The following EHF variants were observed in gnomAD, a reference collection of about 807,000 sequenced individuals.
EHF encodes ESE3 transcription factor.
In EHF, 14 loss-of-function variants were observed where a neutral mutation model predicts 45.1. The observed-to-expected ratio is 0.31, with a 90% confidence interval of 0.21 to 0.49. EHF has a LOEUF of 0.49. EHF is among the 20% of genes least tolerant of loss of function. The probability of loss-of-function intolerance (pLI) is 0.99; values close to 1 mark genes in which losing one functional copy is unlikely to be tolerated. For synonymous variants in EHF, 136 were observed against 131.8 expected (o/e 1.03, Z -0.22); for missense variants, 282 against 371.4 (o/e 0.76, Z 1.98).
intron 1 of EHF, chr11:34,631,629 GTAGGTGTGGC>G (rs1160080176): frequency 1.0e-6 from 1 of 954,062 alleles, no homozygotes; most frequent in Admixed American, 6.2e-5. Context: ...CGATTTTGAG[GTAGGTGTGGC>G]TAGCCTCATT....
At chr11:34,621,982 T>G (rs1852015687) in intron 1 of EHF, 1 of 153,342 alleles carries the variant, frequency 6.5e-6, no homozygotes, top group African/African-American at 2.4e-5. Context: ...GGCTTCACTG[T>G]GTAACAAGGG....
At chr11:34,630,769 A>G (rs527243277) in intron 1 of EHF, among the ~76,000 whole-genome samples, 1 of 152,238 alleles carries the variant, frequency 6.6e-6, no homozygotes, top group South Asian at 2.1e-4. Context: ...TACGCTGCTC[A>G]TAACAAGAAT....
chr11:34,658,618 C>A lies in EHF; in HGVS notation c.693C>A (p.Asp231Glu). Residue 231 changes from aspartate to glutamate, a missense_variant, in exon 8 of 9, where the codon GAC becomes GAA. Around this residue, in one of 3 missense-constraint regions of EHF, gnomAD observed 41 missense variants for 87.0 expected, o/e 0.47. Transcript: ENST00000257831. ...ACCCAGGATTAATAAAATGGGAAGA[C>A]CGATCTGAGGGCGTCTTCAGGTTCT... ...DKNPGLIKWEDRSEGVFRFLK... is the reference protein window; with the variant it reads ...DKNPGLIKWEERSEGVFRFLK... 6.2e-7 allele frequency: 1 copy of A among 1,613,714 alleles called. No homozygotes were observed. Among genetic ancestry groups the A allele is most frequent in the Non-Finnish European group, 8.5e-7 (1 of 1,179,750 alleles).
chr11:34,651,297 C>G (rs1333706455), intron 4 of EHF, among the ~76,000 whole-genome samples: 1 of 152,148 alleles, frequency 6.6e-6, no homozygotes, highest in African/African-American at 2.4e-5. Context: ...TGCAACTTCT[C>G]TCACTTCCCT....
intron 3 of EHF, chr11:34,646,886 T>A: frequency 1.6e-6 from 1 of 613,826 alleles, no homozygotes; most frequent in Non-Finnish European, 2.8e-6. Flanking sequence ...TAATCCCTTA[T>A]AAATGCCAGT....
intron 3 of EHF, among the ~76,000 whole-genome samples, chr11:34,648,713 CTCA>C (rs1854830682): frequency 1.3e-5 from 2 of 152,150 alleles, no homozygotes; most frequent in Non-Finnish European, 2.9e-5. Context: ...ACACACCTTC[CTCA>C]TAGCTAGTAG....
At chr11:34,648,888 A>G in intron 3 of EHF, 131 bp from the exon 4 acceptor site, 1 of 827,912 alleles carries the variant, frequency 1.2e-6, no homozygotes, top group South Asian at 2.0e-5. Flanking sequence ...ACCACCTCCC[A>G]TAAACAAACA....
At position 34,633,048 on chromosome 11, in the gene EHF, T is replaced by A. The variant is rs546745138; in HGVS notation, c.-3-9580T>A. 8.2e-4 allele frequency among the ~76,000 whole-genome samples: 124 copies of A among 151,876 alleles called. 1 individual carries two copies. Among genetic ancestry groups the A allele is most frequent in the African/African-American group, 2.8e-3 (115 of 41,410 alleles). ...ATCTTTTGAAGGACTGAGATGGAGG[T>A]GGGATGGGGTTAGGGTGGCTTGGCC... On this transcript the variant is annotated intron_variant, in intron 1 of 8. Transcript: ENST00000257831.
chr11:34,635,050 A>G (rs7945208), intron 1 of EHF, among the ~76,000 whole-genome samples: 65,509 of 152,034 alleles, frequency 0.43, 16,437 homozygotes, highest in Non-Finnish European at 0.57. Flanking sequence ...TGCCTCCTAG[A>G]GTTGTTGTGA....
intron 1 of EHF, among the ~76,000 whole-genome samples, chr11:34,625,098 C>A (rs1350611124): frequency 6.6e-6 from 1 of 152,128 alleles, no homozygotes; most frequent in African/African-American, 2.4e-5. Flanking sequence ...TGGGAGAAGC[C>A]TTCTAAGGAT....
intron 1 of EHF, among the ~76,000 whole-genome samples, chr11:34,634,179 C>G (rs1000919016): frequency 1.4e-5 from 2 of 147,410 alleles, no homozygotes; most frequent in South Asian, 4.3e-4. Flanking sequence ...TTGCCTTTCA[C>G]ATGTACATGG....
chr11:34,661,707 AG>A lies in EHF; in HGVS notation c.*2779del, dbSNP rs1001286072. ...GAGTACTTCCCACCACAGTGTTGAA[AG>A]GGAGAGCAAAGTCTTATGGATAAAC... On this transcript the variant is annotated 3_prime_UTR_variant, in exon 9 of 9. Coordinates refer to ENST00000257831, the MANE Select transcript of EHF (RefSeq NM_012153.6). 2.8e-4 allele frequency among the ~76,000 whole-genome samples: 43 copies of A among 152,264 alleles called. No homozygotes were observed. The highest frequency in any genetic ancestry group is 1.0e-3 in the African/African-American group (43 of 41,568).
rs1856005439 is a variant in EHF, at chr11:34,660,327, G to A, written c.*1396G>A. Reference sequence around the variant, plus strand: ...AGAATTTCCAGGGAAAATCCTCTTTGCAGGTATTAATTCTTATAATTTTTT... The same window carrying A: ...AGAATTTCCAGGGAAAATCCTCTTTACAGGTATTAATTCTTATAATTTTTT... On this transcript the variant is annotated 3_prime_UTR_variant, in exon 9 of 9. Transcript: ENST00000257831. 1 of 152,110 alleles carries A rather than the reference G, an allele frequency of 6.6e-6. No individual in the cohort carries two copies. The highest frequency in any genetic ancestry group is 2.4e-5 in the African/African-American group (1 of 41,424). 9.4% of individuals were successfully genotyped at this position (152,110 alleles called of 1,614,324 possible). A position where few individuals can be genotyped will look rare whatever the true frequency, so the allele number is the denominator to read the frequency against.
intron 6 of EHF, among the ~76,000 whole-genome samples, chr11:34,654,751 A>G (rs1384104783): frequency 1.3e-5 from 2 of 152,156 alleles, no homozygotes; most frequent in South Asian, 2.1e-4. Flanking sequence ...AGAGGGTCCA[A>G]GGTTTTCGTC....
intron 3 of EHF, 198 bp downstream of exon 3, chr11:34,646,882 C>A: frequency 1.6e-6 from 1 of 623,684 alleles, no homozygotes; most frequent in Non-Finnish European, 2.7e-6. Flanking sequence ...TGCCTAATCC[C>A]TTATAAATGC....
intron 1 of EHF, chr11:34,624,458 A>G (rs1211149039): frequency 3.9e-6 from 1 of 257,498 alleles, no homozygotes; most frequent in East Asian, 1.8e-4. Context: ...CATTTTTCAT[A>G]TCTAATTTTT....
At chr11:34,623,574 G>A (rs1182469813) in intron 1 of EHF, among the ~76,000 whole-genome samples, 2 of 152,088 alleles carry the variant, frequency 1.3e-5, no homozygotes, top group Admixed American at 6.5e-5. Context: ...CTCCTTGAAG[G>A]TATGAGACAA....
Position 34,658,986 on chromosome 11 carries a change from A to T in EHF, c.*55A>T. The T allele has an allele frequency of 7.3e-7, 1 of 1,363,978 alleles. No individual in the cohort carries two copies. Among genetic ancestry groups the T allele is most frequent in the Non-Finnish European group, 1.0e-6 (1 of 978,854 alleles). 84.5% of individuals were successfully genotyped at this position (1,363,978 alleles called of 1,614,324 possible). On this transcript the variant is annotated 3_prime_UTR_variant, in exon 9 of 9. Coordinates refer to ENST00000257831, the MANE Select transcript of EHF (RefSeq NM_012153.6). Reference sequence around the variant, plus strand: ...ACACACACCAAATAATCAGAAACAAAGAACTCCTGGACGTAAATATTTCAA... The same window carrying T: ...ACACACACCAAATAATCAGAAACAATGAACTCCTGGACGTAAATATTTCAA...
At chr11:34,629,910 T>G (rs1470115370) in intron 1 of EHF, among the ~76,000 whole-genome samples, 1 of 152,152 alleles carries the variant, frequency 6.6e-6, no homozygotes, top group African/African-American at 2.4e-5. Context: ...TTAATAAGTC[T>G]GAGGTGGCTT....
Sources: gnomAD v4.1 joint callset for allele counts (sites outside exome capture counted in the v4.1 genomes callset) on GRCh38, gnomAD v4.1.1 for gene constraint, gnomAD v4.1.1 regional missense constraint, MANE v1.5 for transcripts, NCBI Gene and HGNC (gene_info 2026-07-23, HGNC 2026-07-21) for gene names.